Variants in MAPK14 observed in about 807,000 individuals in gnomAD.
MAPK14 encodes CSAID-binding protein.
MAPK14 carries 16 observed loss-of-function variants against 49.6 expected under a neutral mutation model. That is an observed-to-expected ratio of 0.32 (90% CI 0.22 to 0.49). The LOEUF (loss-of-function observed/expected upper bound fraction) is 0.49. Ranked by LOEUF, MAPK14 falls within the 20% of genes least tolerant of loss-of-function variation. The pLI is 0.99. For missense variants in MAPK14, 200 were observed against 441.2 expected (o/e 0.45, Z 4.90); for synonymous variants, 142 against 158.0 (o/e 0.90, Z 0.76).
At chr6:36,074,289 T>C (rs1764430247) in intron 6 of MAPK14, among the ~76,000 whole-genome samples, 193 bp downstream of exon 6, 1 of 151,336 alleles carries the variant, frequency 6.6e-6, no homozygotes, top group Non-Finnish European at 1.5e-5. Context: ...ATCACTTGTT[T>C]TTATTTTAAC....
At chr6:36,116,220 G>A (rs78233468), downstream of MAPK14, among the ~76,000 whole-genome samples, 192 of 152,314 alleles carry the variant, frequency 1.3e-3, 2 homozygotes, top group East Asian at 0.026. Context: ...CTCCAAATGC[G>A]TACTGATACA....
the MAPK14 span, among the ~76,000 whole-genome samples, chr6:36,120,424 G>C: frequency 6.7e-6 from 1 of 149,832 alleles, no homozygotes; most frequent in Admixed American, 6.7e-5. Context: ...TCAGCACTTA[G>C]TCTATATTTG....
At chr6:36,119,510 C>A in the MAPK14 span, among the ~76,000 whole-genome samples, 2 of 152,158 alleles carry the variant, frequency 1.3e-5, no homozygotes, top group Non-Finnish European at 2.9e-5. Context: ...GGGAACAAAC[C>A]TCAAACACCA....
At chr6:36,120,695 G>A in the MAPK14 span, among the ~76,000 whole-genome samples, 1 of 152,186 alleles carries the variant, frequency 6.6e-6, no homozygotes, top group Non-Finnish European at 1.5e-5. Flanking sequence ...TTGCCAAATG[G>A]TTCTAAAAGC....
chr6:36,117,407 T>A, the MAPK14 span, among the ~76,000 whole-genome samples: 1 of 152,174 alleles, frequency 6.6e-6, no homozygotes, highest in East Asian at 1.9e-4. Context: ...ACCCTCTTCC[T>A]CCTCCTCATT....
At chr6:36,058,950 C>T (rs891944451) in intron 2 of MAPK14, among the ~76,000 whole-genome samples, 3 of 150,578 alleles carry the variant, frequency 2.0e-5, no homozygotes, top group Admixed American at 1.3e-4. Flanking sequence ...AGTGCAGTGG[C>T]GCAATCTCGG....
chr6:36,087,601 A>C (rs962516460), intron 8 of MAPK14, among the ~76,000 whole-genome samples: 1 of 152,220 alleles, frequency 6.6e-6, no homozygotes, highest in Non-Finnish European at 1.5e-5. Context: ...GACCTCTTCA[A>C]GGAGAACTAC....
intron 3 of MAPK14, among the ~76,000 whole-genome samples, chr6:36,064,611 C>T (rs1041671685): frequency 6.6e-6 from 1 of 152,172 alleles, no homozygotes; most frequent in Non-Finnish European, 1.5e-5. Context: ...CTTCCACTTA[C>T]TAACAATGAT....
intron 3 of MAPK14, among the ~76,000 whole-genome samples, chr6:36,062,346 G>A (rs2127429177): frequency 6.6e-6 from 1 of 152,302 alleles, no homozygotes; most frequent in South Asian, 2.1e-4. Context: ...CACTTGCAGG[G>A]TTTGCAAATT....
intron 2 of MAPK14, among the ~76,000 whole-genome samples, chr6:36,054,787 T>C (rs1013790251): frequency 6.6e-6 from 1 of 152,230 alleles, no homozygotes; most frequent in Admixed American, 6.5e-5. Context: ...TCATCTCGTT[T>C]ACCCTCCTCT....
At chr6:36,074,986 G>A (rs1020819280) in intron 6 of MAPK14, among the ~76,000 whole-genome samples, 21 of 151,680 alleles carry the variant, frequency 1.4e-4, no homozygotes, top group Admixed American at 1.2e-3. Context: ...CAGCACTTTG[G>A]GAGGCCAAGG....
intron 5 of MAPK14, 45 bp downstream of exon 5, chr6:36,073,765 G>A: frequency 2.6e-6 from 4 of 1,563,374 alleles, no homozygotes; most frequent in Non-Finnish European, 3.5e-6. Flanking sequence ...GAAGTGGGGT[G>A]AGAGTGGAAG....
intron 10 of MAPK14, among the ~76,000 whole-genome samples, chr6:36,105,272 T>C (rs1765767067): frequency 6.6e-6 from 1 of 152,146 alleles, no homozygotes; most frequent in South Asian, 2.1e-4. Context: ...AGATGGCATC[T>C]CACTCTGTCA....
intron 3 of MAPK14, among the ~76,000 whole-genome samples, chr6:36,064,082 G>C (rs1272391354): frequency 2.0e-5 from 3 of 151,966 alleles, no homozygotes; most frequent in Admixed American, 1.3e-4. Context: ...GTGTGTGTGT[G>C]TGTGTGTGTG....
chr6:36,100,982 G>A (rs190140321), intron 9 of MAPK14, among the ~76,000 whole-genome samples: 19 of 152,262 alleles, frequency 1.2e-4, no homozygotes, highest in Admixed American at 1.1e-3. Context: ...GAATGAGATA[G>A]TTCTCTCTTA....
chr6:36,052,922 A>T, intron 2 of MAPK14, 94 bp downstream of exon 2: 1 of 1,128,688 alleles, frequency 8.9e-7, no homozygotes. Flanking sequence ...GCTGGAGTGC[A>T]TCAAACGTTG....
intron 10 of MAPK14, 49 bp downstream of exon 10, chr6:36,102,698 T>C: frequency 6.2e-7 from 1 of 1,607,552 alleles, no homozygotes; most frequent in Non-Finnish European, 8.5e-7. Flanking sequence ...TTGGTTATGA[T>C]ATAAATTGGG....
chr6:36,106,273 C>CAGCAAAAGA (rs1562156017), intron 10 of MAPK14, among the ~76,000 whole-genome samples: 1 of 152,120 alleles, frequency 6.6e-6, no homozygotes, highest in Admixed American at 6.6e-5. Flanking sequence ...AGACACATGA[C>CAGCAAAAGA]AGCAAAAGAA....
the MAPK14 span, among the ~76,000 whole-genome samples, chr6:36,123,757 GACAAGGCCGAGATCAA>G: frequency 6.6e-6 from 1 of 152,168 alleles, no homozygotes. Context: ...TGCTACCAAG[GACAAGGCCGAGATCAA>G]ACAGAGCGGA....
Sources: allele counts gnomAD v4.1 joint callset (sites outside exome capture counted in the v4.1 genomes callset), GRCh38; gene constraint gnomAD v4.1.1; transcripts MANE v1.5; gene names NCBI Gene and HGNC (gene_info 2026-07-23, HGNC 2026-07-21).